The following TXNDC15 variants were observed in gnomAD, a reference collection of about 807,000 sequenced individuals.
The protein encoded by TXNDC15 is thioredoxin domain containing 15.
Under a neutral mutation model 35.0 loss-of-function variants are expected in TXNDC15, and 24 were observed. The ratio of observed to expected loss-of-function variants is 0.68; its 90% CI spans 0.50 to 0.96. The LOEUF (loss-of-function observed/expected upper bound fraction) is 0.96. Ranked by LOEUF, TXNDC15 falls within the 40% of genes least tolerant of loss-of-function variation. The pLI is 0.00. For synonymous variants in TXNDC15, 169 were observed against 174.0 expected, an observed-to-expected ratio of 0.97 and a Z score of 0.23; for missense variants, 385 against 453.3, an observed-to-expected ratio of 0.85 and a Z score of 1.37.
At chr5:134,898,829 C>A (rs984599708) in intron 4 of TXNDC15, among the ~76,000 whole-genome samples, 1 of 152,158 alleles carries the variant, frequency 6.6e-6, no homozygotes, top group African/African-American at 2.4e-5. Context: ...GATCCCAACA[C>A]TTTGGGAGGC....
At chr5:134,876,267 C>T (rs1307453776) in intron 1 of TXNDC15, among the ~76,000 whole-genome samples, 1 of 152,168 alleles carries the variant, frequency 6.6e-6, no homozygotes, top group African/African-American at 2.4e-5. Flanking sequence ...GTCCTACCGT[C>T]TTGCTTCCAT....
intron 1 of TXNDC15, among the ~76,000 whole-genome samples, chr5:134,880,298 T>C (rs1183386857): frequency 6.6e-6 from 1 of 152,248 alleles, no homozygotes; most frequent in African/African-American, 2.4e-5. Flanking sequence ...TTTCTTTATG[T>C]GGATCCATAT....
At chr5:134,894,541 T>A (rs1461827502) in intron 3 of TXNDC15, among the ~76,000 whole-genome samples, 1 of 152,038 alleles carries the variant, frequency 6.6e-6, no homozygotes, top group Non-Finnish European at 1.5e-5. Context: ...TAATTTTGTA[T>A]TTTTAAACGG....
Position 134,899,867 on chromosome 5 carries a change from C to G in TXNDC15, c.*182C>G. 1 of 529,534 alleles carries G rather than the reference C, an allele frequency of 1.9e-6. No individual in the cohort carries two copies. The highest frequency in any genetic ancestry group is 3.3e-5 in the East Asian group (1 of 30,542). 32.8% of individuals were successfully genotyped at this position (529,534 alleles called of 1,614,324 possible). A position where few individuals can be genotyped will look rare whatever the true frequency, so the allele number is the denominator to read the frequency against. ...TAAACTGGTGTTTTAACTAGTATTG[C>G]AATAAGCAAATGCAAAAATATTCAA... On this transcript the variant is annotated 3_prime_UTR_variant, in exon 5 of 5. Coordinates refer to ENST00000358387, the MANE Select transcript of TXNDC15 (RefSeq NM_024715.4).
chr5:134,874,315 T>TAATG, upstream of TXNDC15: 1 of 862,000 alleles, frequency 1.2e-6, no homozygotes, highest in Non-Finnish European at 1.7e-6. Flanking sequence ...TGCCAGGTGT[T>TAATG]AAGATGGCGG....
At chr5:134,894,916 G>C (rs1315656257) in intron 3 of TXNDC15, among the ~76,000 whole-genome samples, 1 of 151,538 alleles carries the variant, frequency 6.6e-6, no homozygotes, top group Non-Finnish European at 1.5e-5. Context: ...GCTCACACCT[G>C]TAATCCCATC....
rs1750599679 is a variant in TXNDC15 at position 134,901,480 on chromosome 5, G to A, written c.*1795G>A. 6.6e-6 allele frequency: 1 copy of A among 151,248 alleles called. No individual in the cohort carries two copies. Among genetic ancestry groups the A allele is most frequent in the Middle Eastern group, 3.4e-3 (1 of 294 alleles). The allele number at this position is 151,248 out of a possible 1,614,324, so 9.4% of individuals were successfully genotyped here. A position where few individuals can be genotyped will look rare whatever the true frequency, so the allele number is the denominator to read the frequency against. On this transcript the variant is annotated 3_prime_UTR_variant, in exon 5 of 5. Coordinates refer to ENST00000358387, the MANE Select transcript of TXNDC15 (RefSeq NM_024715.4). ...GAAGCTGGGATTTGAATCTTCACAT[G>A]TGTGTACTTATAAATACAAATGTAA...
chr5:134,893,897 G>C (rs886539491), intron 3 of TXNDC15, among the ~76,000 whole-genome samples: 2 of 152,134 alleles, frequency 1.3e-5, no homozygotes, highest in Admixed American at 6.5e-5. Flanking sequence ...AAAGGTGGCA[G>C]GTGGTAGCAC....
Position 134,899,526 on chromosome 5 carries a change from C to T in TXNDC15, c.924C>T (p.Ala308=), listed in dbSNP as rs768560993. Residue 308 remains alanine, a synonymous_variant, in exon 5 of 5, where the codon GCC becomes GCT. Coordinates refer to ENST00000358387, the MANE Select transcript of TXNDC15 (RefSeq NM_024715.4). ...AGAAGAATGTGGTGGTAACTCAAGC[C>T]GACCAAATAGGCCCTCTTCCCAGCA... is the stretch of plus-strand genomic sequence containing the variant. ...EAKKNVVVTQ[A]DQIGPLPSTL... is the part of the protein sequence containing the mutation. 1.9e-5 allele frequency: 31 copies of T among 1,613,352 alleles called. No individual in the cohort carries two copies. The highest frequency in any genetic ancestry group is 8.0e-5 in the African/African-American group (6 of 74,858).
At chr5:134,877,976 T>C (rs1750073895) in intron 1 of TXNDC15, among the ~76,000 whole-genome samples, 1 of 152,158 alleles carries the variant, frequency 6.6e-6, no homozygotes, top group Non-Finnish European at 1.5e-5. Flanking sequence ...GGTTTCGCCA[T>C]GTTGGCCAGG....
At chr5:134,875,182 C>A (rs1183390346) in intron 1 of TXNDC15, 1 of 456,160 alleles carries the variant, frequency 2.2e-6, no homozygotes, top group Non-Finnish European at 4.4e-6. Flanking sequence ...TAACCCCCAA[C>A]TTGCCGGTAG....
chr5:134,879,058 A>G (rs1750092185), intron 1 of TXNDC15, among the ~76,000 whole-genome samples: 1 of 152,230 alleles, frequency 6.6e-6, no homozygotes, highest in Non-Finnish European at 1.5e-5. Flanking sequence ...GTCACATAGT[A>G]TGACATTTTT....
intron 1 of TXNDC15, among the ~76,000 whole-genome samples, chr5:134,887,430 C>T (rs1241295098): frequency 6.6e-6 from 1 of 152,164 alleles, no homozygotes; most frequent in African/African-American, 2.4e-5. Flanking sequence ...AGTGATCCAC[C>T]TGACTTGGGG....
At chr5:134,892,106 GTATAGCCACCTTCATCAATTCTCT>G (rs1243230937) in intron 2 of TXNDC15, 5 of 151,834 alleles carry the variant, frequency 3.3e-5, no homozygotes, top group Admixed American at 6.6e-5. Flanking sequence ...TGATTTTTGA[GTATAGCCACCTTCATCAATTCTCT>G]TAGCTAGATG....
chr5:134,875,166 T>C (rs1204589228), intron 1 of TXNDC15: 1 of 456,182 alleles, frequency 2.2e-6, no homozygotes, highest in East Asian at 7.0e-5. Context: ...CACGGGAGAC[T>C]CCCGGTAACC....
At chr5:134,875,346 C>G (rs778327024) in intron 1 of TXNDC15, 2 of 456,250 alleles carry the variant, frequency 4.4e-6, no homozygotes, top group South Asian at 3.1e-5. Flanking sequence ...TCTTTCTTTT[C>G]CCTGGGGTGT....
chr5:134,893,243 A>G (rs1190496266), intron 2 of TXNDC15: 3 of 425,386 alleles, frequency 7.1e-6, no homozygotes, highest in African/African-American at 2.0e-5. Context: ...AGGAAAGTTT[A>G]AAACTTTCTG....
intron 1 of TXNDC15, among the ~76,000 whole-genome samples, chr5:134,876,731 TG>T (rs1361796372): frequency 2.7e-5 from 4 of 147,022 alleles, no homozygotes; most frequent in Admixed American, 6.7e-5. Context: ...AAATCTGAGG[TG>T]TTTTTTTTTT....
At chr5:134,879,504 CT>C (rs1750099404) in intron 1 of TXNDC15, among the ~76,000 whole-genome samples, 1 of 152,152 alleles carries the variant, frequency 6.6e-6, no homozygotes, top group African/African-American at 2.4e-5. Context: ...TCATTTCCTG[CT>C]TTGTCTTGTG....
Sources: gnomAD v4.1 joint callset for allele counts (sites outside exome capture counted in the v4.1 genomes callset) on GRCh38, gnomAD v4.1.1 for gene constraint, MANE v1.5 for transcripts, NCBI Gene and HGNC (gene_info 2026-07-23, HGNC 2026-07-21) for gene names.